EPHA6: variants seen among roughly 807,000 people sequenced by gnomAD.
EPHA6 encodes the protein ephrin type-A receptor 6.
In EPHA6, 50 loss-of-function variants were observed where a neutral mutation model predicts 112.0. The ratio of observed to expected loss-of-function variants is 0.45; its 90% CI spans 0.36 to 0.56. The LOEUF (loss-of-function observed/expected upper bound fraction) is 0.56. Among genes scored for constraint, EPHA6 ranks in the 20% least tolerant of loss-of-function variants. EPHA6 has a pLI of 0.00. For synonymous variants in EPHA6, 529 were observed against 490.7 expected, an observed-to-expected ratio of 1.08 and a Z score of -1.03; for missense variants, 1,280 against 1,417.4, an observed-to-expected ratio of 0.90 and a Z score of 1.56.
rs544456366 is a variant in EPHA6 at position 97,760,040 on chromosome 3, C to T, written c.*11339C>T. On this transcript the variant is annotated 3_prime_UTR_variant, in exon 18 of 18. Transcript: ENST00000389672. ...ATTTTGTAGCTAATCTGTTATAATG[C>T]AAAGCCTATCAAACTTAAAATTAGC... 5.4e-6 allele frequency: 1 copy of T among 184,258 alleles called. No homozygotes were observed. Among genetic ancestry groups the T allele is most frequent in the East Asian group, 8.8e-5 (1 of 11,384 alleles). The allele number at this position is 184,258 out of a possible 1,614,324, so 11.4% of individuals were successfully genotyped here.
At chr3:97,668,731 T>A (rs1285265268) in intron 14 of EPHA6, among the ~76,000 whole-genome samples, 1 of 151,492 alleles carries the variant, frequency 6.6e-6, no homozygotes, top group East Asian at 1.9e-4. Context: ...CTGGGCAACA[T>A]GGCAAAAACC....
intron 15 of EPHA6, among the ~76,000 whole-genome samples, chr3:97,722,818 T>C (rs1256806038): frequency 2.0e-5 from 3 of 152,094 alleles, no homozygotes; most frequent in Non-Finnish European, 4.4e-5. Context: ...CATTCATAAA[T>C]AATCATTCTT....
intron 3 of EPHA6, among the ~76,000 whole-genome samples, chr3:97,145,360 C>G (rs2076014545): frequency 6.6e-6 from 1 of 151,104 alleles, no homozygotes; most frequent in Non-Finnish European, 1.5e-5. Context: ...TTCTGCTTGA[C>G]CCAAATGGGC....
At chr3:97,057,139 A>G (rs780593860) in intron 3 of EPHA6, among the ~76,000 whole-genome samples, 1 of 152,106 alleles carries the variant, frequency 6.6e-6, no homozygotes, top group Non-Finnish European at 1.5e-5. Context: ...GAATAGTGAC[A>G]TGTGTGTGAT....
At chr3:97,119,078 C>T (rs1576520562) in intron 3 of EPHA6, among the ~76,000 whole-genome samples, 1 of 151,898 alleles carries the variant, frequency 6.6e-6, no homozygotes, top group African/African-American at 2.4e-5. Flanking sequence ...CTGGTTAAGC[C>T]ATGTCTTAGA....
intron 3 of EPHA6, among the ~76,000 whole-genome samples, chr3:97,134,063 G>A (rs554362625): frequency 1.1e-3 from 165 of 152,090 alleles, no homozygotes; most frequent in Admixed American, 2.9e-3. Context: ...CTACATAAAT[G>A]TAACATGCTG....
chr3:97,559,581 CAT>C (rs1339163468), intron 11 of EPHA6: 4 of 453,950 alleles, frequency 8.8e-6, no homozygotes, highest in African/African-American at 8.0e-5. Flanking sequence ...ACTTCTTTCT[CAT>C]ATTTCAGAGC....
At position 97,319,981 on chromosome 3, in the gene EPHA6, C is replaced by T. The variant is rs143168737; in HGVS notation, c.1606+75694C>T. Among the ~76,000 whole-genome samples the T allele has an allele frequency of 2.3e-3, 356 of 152,068 alleles. 4 individuals are homozygous for T. The highest frequency in any genetic ancestry group is 8.1e-3 in the African/African-American group (337 of 41,420). On this transcript the variant is annotated intron_variant, in intron 5 of 17. Transcript: ENST00000389672. ...GGAACATCAATGCATTTCACAAAAT[C>T]TCACTTTAAAAACTCTCTCTAAAAT...
At chr3:96,919,424 C>G (rs1046168666) in intron 2 of EPHA6, among the ~76,000 whole-genome samples, 4 of 151,788 alleles carry the variant, frequency 2.6e-5, no homozygotes, top group Non-Finnish European at 5.9e-5. Context: ...TGTGACAGGA[C>G]AGTAGATTCC....
chr3:97,330,651 G>A (rs1433217144), intron 5 of EPHA6, among the ~76,000 whole-genome samples: 2 of 152,054 alleles, frequency 1.3e-5, no homozygotes, highest in African/African-American at 2.4e-5. Context: ...GACAAAGAAG[G>A]CTATTACATA....
intron 10 of EPHA6, among the ~76,000 whole-genome samples, chr3:97,515,942 T>TAA (rs764457650): frequency 7.1e-5 from 10 of 141,614 alleles, no homozygotes; most frequent in African/African-American, 2.1e-4. Flanking sequence ...ATAAGAAAGT[T>TAA]AAAAAAAAAA....
At chr3:97,607,761 T>C (rs566024153) in intron 12 of EPHA6, among the ~76,000 whole-genome samples, 3 of 151,144 alleles carry the variant, frequency 2.0e-5, no homozygotes, top group African/African-American at 4.8e-5. Flanking sequence ...CTGGCTAAAA[T>C]TGTACAAAAA....
chr3:96,970,268 AACAC>A (rs922215101), intron 2 of EPHA6, among the ~76,000 whole-genome samples: 9 of 120,936 alleles, frequency 7.4e-5, no homozygotes, highest in Admixed American at 2.7e-4. Context: ...CACACACACA[AACAC>A]ACACACACAC....
At chr3:96,873,518 C>T (rs140975390) in intron 2 of EPHA6, among the ~76,000 whole-genome samples, 8 of 152,232 alleles carry the variant, frequency 5.3e-5, no homozygotes, top group Non-Finnish European at 8.8e-5. Context: ...TATGATTCTA[C>T]TTAATTTTCC....
intron 6 of EPHA6, among the ~76,000 whole-genome samples, chr3:97,433,200 G>C (rs764109992): frequency 6.6e-6 from 1 of 152,070 alleles, no homozygotes; most frequent in Admixed American, 6.6e-5. Flanking sequence ...ATGAGCACAG[G>C]TATGTAAGTT....
intron 13 of EPHA6, among the ~76,000 whole-genome samples, chr3:97,633,542 T>C (rs2093921355): frequency 6.6e-6 from 1 of 152,076 alleles, no homozygotes; most frequent in African/African-American, 2.4e-5. Flanking sequence ...ATTTATCGAG[T>C]GCTAACAAAA....
chr3:97,018,600 T>C (rs1419122689), intron 3 of EPHA6, among the ~76,000 whole-genome samples: 3 of 152,194 alleles, frequency 2.0e-5, no homozygotes, highest in Non-Finnish European at 2.9e-5. Context: ...TATTAGAGAC[T>C]TTTAGTACTT....
intron 2 of EPHA6, among the ~76,000 whole-genome samples, chr3:96,931,018 A>T (rs9818432): frequency 1.2e-5 from 1 of 84,580 alleles, no homozygotes; most frequent in African/African-American, 4.2e-5. Flanking sequence ...AAAAAAAAAA[A>T]AAAGAAAAGC....
Position 97,320,725 on chromosome 3 carries a change from A to G in EPHA6, c.1606+76438A>G, listed in dbSNP as rs561262067. On this transcript the variant is annotated intron_variant, in intron 5 of 17. Coordinates refer to ENST00000389672, the MANE Select transcript of EPHA6 (RefSeq NM_001080448.3). ...AGAGAAATGACACTCCTTTGGACCA[A>G]AGTGATGCTTCTTATTTTCTGGCAT... is the stretch of plus-strand genomic sequence containing the variant. Among the ~76,000 whole-genome samples, 90 of 151,048 alleles carry G rather than the reference A, an allele frequency of 6.0e-4. 1 individual carries two copies. Among genetic ancestry groups the G allele is most frequent in the South Asian group, 2.5e-3 (12 of 4,800 alleles).
Sources: allele counts gnomAD v4.1 joint callset (sites outside exome capture counted in the v4.1 genomes callset), GRCh38; gene constraint gnomAD v4.1.1; transcripts MANE v1.5; gene names NCBI Gene and HGNC (gene_info 2026-07-23, HGNC 2026-07-21).